PPFIA1: variants seen among roughly 807,000 people sequenced by gnomAD.
The protein encoded by PPFIA1 is liprin-alpha-1.
PPFIA1 carries 25 observed loss-of-function variants against 149.9 expected under a neutral mutation model. The observed-to-expected ratio is 0.17, with a 90% CI of 0.12 to 0.23. PPFIA1 has a LOEUF of 0.23. PPFIA1 is among the 10% of genes least tolerant of loss of function. The pLI, the probability that PPFIA1 is intolerant of heterozygous loss-of-function variation, is 1.00. For missense variants in PPFIA1, 1,362 were observed against 1,506.5 expected (o/e 0.90, Z 1.59); for synonymous variants, 549 against 552.8 (o/e 0.99, Z 0.10).
intron 2 of PPFIA1, among the ~76,000 whole-genome samples, chr11:70,323,084 A>G (rs908061368): frequency 1.3e-5 from 2 of 152,218 alleles, no homozygotes; most frequent in Admixed American, 6.5e-5. Context: ...TCCTGCAGCA[A>G]GAATTCTCCA....
chr11:70,281,421 C>G (rs1222599492), intron 2 of PPFIA1, among the ~76,000 whole-genome samples: 1 of 152,140 alleles, frequency 6.6e-6, no homozygotes, highest in Non-Finnish European at 1.5e-5. Flanking sequence ...TGGAGTGTTT[C>G]CCAGGGCCCC....
intron 2 of PPFIA1, among the ~76,000 whole-genome samples, chr11:70,295,116 T>C (rs1192307013): frequency 6.6e-6 from 1 of 151,312 alleles, no homozygotes; most frequent in East Asian, 2.0e-4. Context: ...GCTCCTTACT[T>C]CCCAGTAGGG....
intron 2 of PPFIA1, among the ~76,000 whole-genome samples, chr11:70,276,820 C>T (rs530178777): frequency 2.1e-4 from 32 of 151,784 alleles, no homozygotes; most frequent in Admixed American, 3.9e-4. Context: ...GTTTGTAATC[C>T]TTATTATCTG....
rs1192286651 is a variant in PPFIA1 at position 70,383,392 on chromosome 11, A to C, written c.*402A>C. The C allele has an allele frequency of 5.6e-6, 1 of 178,594 alleles. No individual in the cohort carries two copies. The highest frequency in any genetic ancestry group is 1.2e-5 in the Non-Finnish European group (1 of 86,054). The allele number at this position is 178,594 out of a possible 1,614,324, so 11.1% of individuals were successfully genotyped here. On this transcript the variant is annotated 3_prime_UTR_variant, in exon 28 of 28. Transcript: ENST00000253925. ...TTATGCATTTATTGTAATTATCATTAATTTTTTAATGATAAACCATGACAA... is the reference window on the plus strand; with the variant it reads ...TTATGCATTTATTGTAATTATCATTCATTTTTTAATGATAAACCATGACAA...
intron 3 of PPFIA1, 25 bp downstream of exon 3, chr11:70,324,528 G>T: frequency 1.3e-6 from 2 of 1,553,948 alleles, no homozygotes; most frequent in Non-Finnish European, 1.8e-6. Context: ...TCTGTTCACT[G>T]CCTGCCCCTG....
At chr11:70,320,002 C>T (rs548104979) in intron 2 of PPFIA1, 2 of 152,374 alleles carry the variant, frequency 1.3e-5, no homozygotes, top group African/African-American at 2.4e-5. Flanking sequence ...GCACGTACTG[C>T]TCTGAGGTTC....
chr11:70,271,614 C>T (rs1158941906), intron 1 of PPFIA1, among the ~76,000 whole-genome samples: 1 of 152,090 alleles, frequency 6.6e-6, no homozygotes, highest in Non-Finnish European at 1.5e-5. Context: ...AATCCGGTTC[C>T]TTTTAGTGCT....
chr11:70,326,925 C>T (rs2054331513), intron 7 of PPFIA1, 107 bp downstream of exon 7: 3 of 907,304 alleles, frequency 3.3e-6, no homozygotes, highest in South Asian at 1.6e-5. Context: ...CAATTACTTT[C>T]AACCTTTGGA....
At position 70,343,821 on chromosome 11, in the gene PPFIA1, C is replaced by T. The variant is rs753917448; in HGVS notation, c.1860C>T (p.Ser620=). Residue 620 remains serine, a synonymous_variant, in exon 15 of 28, where the codon AGC becomes AGT. Coordinates refer to ENST00000253925, the MANE Select transcript of PPFIA1 (RefSeq NM_003626.5). Reference sequence around the variant, plus strand: ...GCTCAGTTGACCTGCTATCGCCCAGCGGGCAGGCCGACGCGCACACACTAG... The same window carrying T: ...GCTCAGTTGACCTGCTATCGCCCAGTGGGCAGGCCGACGCGCACACACTAG... ...LLSSVDLLSP[S]GQADAHTLAM... 1.4e-5 allele frequency: 23 copies of T among 1,614,020 alleles called. No homozygotes were observed. The highest frequency in any genetic ancestry group is 1.6e-4 in the Middle Eastern group (1 of 6,082).
chr11:70,343,975 A>T (rs952440215), intron 15 of PPFIA1, 83 bp downstream of exon 15: 1 of 1,183,646 alleles, frequency 8.4e-7, no homozygotes, highest in East Asian at 2.6e-5. Flanking sequence ...TCTGGATGAA[A>T]TACTATTAAC....
chr11:70,378,265 A>G, intron 26 of PPFIA1, 70 bp downstream of exon 26: 1 of 1,547,736 alleles, frequency 6.5e-7, no homozygotes, highest in Non-Finnish European at 8.7e-7. Context: ...GAACATTAAT[A>G]ATGATCTAAA....
chr11:70,319,974 G>A (rs1354610396), intron 2 of PPFIA1: 1 of 152,168 alleles, frequency 6.6e-6, no homozygotes, highest in Non-Finnish European at 1.5e-5. Context: ...GCAGTATCCT[G>A]GTCACCTCTC....
intron 2 of PPFIA1, among the ~76,000 whole-genome samples, chr11:70,296,864 T>TAAG (rs1248468916): frequency 6.6e-6 from 1 of 152,104 alleles, no homozygotes; most frequent in African/African-American, 2.4e-5. Context: ...AGGTTGTGTG[T>TAAG]AAGAGCATGG....
chr11:70,330,128 C>A (rs762053213), intron 7 of PPFIA1, 45 bp from the exon 8 acceptor site: 1 of 1,495,510 alleles, frequency 6.7e-7, no homozygotes, highest in Non-Finnish European at 9.1e-7. Context: ...AATGTGTAAT[C>A]GTTAATTACC....
At chr11:70,322,555 G>A (rs2136741017) in intron 2 of PPFIA1, among the ~76,000 whole-genome samples, 1 of 152,208 alleles carries the variant, frequency 6.6e-6, no homozygotes, top group Admixed American at 6.5e-5. Context: ...TCCTTACCAG[G>A]TTTTAAGCCA....
intron 14 of PPFIA1, among the ~76,000 whole-genome samples, chr11:70,342,936 CTTTTTTTTTTTTTTTTT>C (rs71463672): frequency 2.6e-5 from 2 of 78,172 alleles, no homozygotes; most frequent in Non-Finnish European, 4.8e-5. Context: ...AATGTACCAC[CTTTTTTTTTTTTTTTTT>C]TTTTTTTTTT....
At chr11:70,309,992 A>G (rs767679268) in intron 2 of PPFIA1, among the ~76,000 whole-genome samples, 59 of 152,338 alleles carry the variant, frequency 3.9e-4, no homozygotes, top group South Asian at 2.1e-4. Context: ...AATGGTTAGG[A>G]TGGAGAATTT....
intron 10 of PPFIA1, 83 bp from the exon 11 acceptor site, chr11:70,335,480 C>A: frequency 6.6e-7 from 1 of 1,520,430 alleles, no homozygotes; most frequent in Non-Finnish European, 8.9e-7. Context: ...ACACATGGGG[C>A]TCACCCTGTT....
At chr11:70,274,280 C>T (rs998516180) in intron 2 of PPFIA1, among the ~76,000 whole-genome samples, 1 of 152,134 alleles carries the variant, frequency 6.6e-6, no homozygotes, top group Admixed American at 6.5e-5. Context: ...TAAAAATATA[C>T]ATAACTATAG....
Sources: allele counts gnomAD v4.1 joint callset (sites outside exome capture counted in the v4.1 genomes callset), GRCh38; gene constraint gnomAD v4.1.1; transcripts MANE v1.5; gene names NCBI Gene and HGNC (gene_info 2026-07-23, HGNC 2026-07-21).